The following PRKG1 variants were observed in gnomAD, a reference collection of about 807,000 sequenced individuals.
PRKG1 encodes protein kinase cGMP-dependent 1.
In PRKG1, 35 loss-of-function variants were observed where a neutral mutation model predicts 88.1. That is an observed-to-expected ratio of 0.40 (90% CI 0.30 to 0.53). The LOEUF is 0.53. Ranked by LOEUF, PRKG1 falls within the 20% of genes least tolerant of loss-of-function variation. The probability of loss-of-function intolerance (pLI) is 0.59; values close to 1 mark genes in which losing one functional copy is unlikely to be tolerated. For missense variants in PRKG1, 540 were observed against 839.8 expected (o/e 0.64, Z 4.41); for synonymous variants, 303 against 292.5 (o/e 1.04, Z -0.37).
chr10:52,025,173 G>T (rs1845303054), intron 5 of PRKG1, among the ~76,000 whole-genome samples: 1 of 152,028 alleles, frequency 6.6e-6, no homozygotes, highest in South Asian at 2.1e-4. Context: ...TTTTTGATGG[G>T]GTTGTTTTTT....
chr10:51,251,256 C>A (rs1839420825), intron 2 of PRKG1, among the ~76,000 whole-genome samples: 1 of 151,746 alleles, frequency 6.6e-6, no homozygotes, highest in South Asian at 2.1e-4. Flanking sequence ...AGGACATCTG[C>A]AAGTTGCGTC....
At chr10:51,978,166 T>G (rs1019852246) in intron 5 of PRKG1, among the ~76,000 whole-genome samples, 1 of 151,934 alleles carries the variant, frequency 6.6e-6, no homozygotes, top group African/African-American at 2.4e-5. Context: ...CTGCTGTGAC[T>G]AGCTAGTTAT....
At chr10:52,244,723 A>C (rs1840961782) in intron 9 of PRKG1, among the ~76,000 whole-genome samples, 1 of 122,594 alleles carries the variant, frequency 8.2e-6, no homozygotes, top group African/African-American at 3.7e-5. Context: ...ATACTTTAAA[A>C]ATATATACTT....
intron 5 of PRKG1, among the ~76,000 whole-genome samples, chr10:51,924,142 A>T (rs1842522489): frequency 6.6e-6 from 1 of 151,868 alleles, no homozygotes; most frequent in Admixed American, 6.6e-5. Flanking sequence ...CTTTATTTTT[A>T]TTTTTTGTAT....
At chr10:51,778,318 G>A (rs10823576) in intron 3 of PRKG1, among the ~76,000 whole-genome samples, 20,420 of 152,090 alleles carry the variant, frequency 0.13, 1,485 homozygotes, top group Admixed American at 0.19. Context: ...TTCTCAGGTC[G>A]TTGTGATCTC....
chr10:51,671,572 TTC>T (rs775680768), intron 3 of PRKG1, among the ~76,000 whole-genome samples: 17 of 150,966 alleles, frequency 1.1e-4, no homozygotes, highest in South Asian at 4.2e-4. Flanking sequence ...GTGCCTCTTC[TTC>T]TCTCTCTCTC....
chr10:51,735,273 GT>G (rs1202894489), intron 3 of PRKG1, among the ~76,000 whole-genome samples: 6 of 152,078 alleles, frequency 3.9e-5, no homozygotes, highest in Admixed American at 6.6e-5. Context: ...GCAGAGTTCA[GT>G]TTCTAAGTCC....
At chr10:51,750,890 C>CA (rs5784886) in intron 3 of PRKG1, among the ~76,000 whole-genome samples, 67,368 of 148,766 alleles carry the variant, frequency 0.45, 15,559 homozygotes, top group Middle Eastern at 0.61. Context: ...ATTTCATAAG[C>CA]AAAAAAAAAA....
chr10:51,450,814 G>A (rs1333088804), intron 2 of PRKG1, among the ~76,000 whole-genome samples: 1 of 150,962 alleles, frequency 6.6e-6, no homozygotes, highest in Non-Finnish European at 1.5e-5. Flanking sequence ...GAACTTGAAT[G>A]AGTGGAGAGA....
At chr10:51,015,102 G>C (rs1385220709) in intron 1 of PRKG1, among the ~76,000 whole-genome samples, 1 of 152,144 alleles carries the variant, frequency 6.6e-6, no homozygotes, top group Non-Finnish European at 1.5e-5. Context: ...CTATGGAATG[G>C]CCTTCTGGCT....
At chr10:52,106,715 A>AATG (rs1847432903) in intron 7 of PRKG1, among the ~76,000 whole-genome samples, 1 of 104,624 alleles carries the variant, frequency 9.6e-6, no homozygotes, top group South Asian at 4.2e-4. Flanking sequence ...AAATAATAAT[A>AATG]ATAATAATAA....
chr10:51,268,251 G>A (rs548366694), intron 2 of PRKG1, among the ~76,000 whole-genome samples: 1 of 152,242 alleles, frequency 6.6e-6, no homozygotes, highest in African/African-American at 2.4e-5. Flanking sequence ...TGCTAATGAA[G>A]TTTGGGGCAC....
intron 2 of PRKG1, among the ~76,000 whole-genome samples, chr10:51,287,378 T>C (rs1840469539): frequency 6.6e-6 from 1 of 152,162 alleles, no homozygotes; most frequent in Admixed American, 6.5e-5. Flanking sequence ...AGAAGATACC[T>C]GTGTGTAGTA....
At chr10:51,628,932 G>A (rs1364438749) in intron 3 of PRKG1, among the ~76,000 whole-genome samples, 1 of 149,890 alleles carries the variant, frequency 6.7e-6, no homozygotes, top group Non-Finnish European at 1.5e-5. Flanking sequence ...GCAGTCCGCA[G>A]TCCGGCCTGG....
At position 51,233,708 on chromosome 10, in the gene PRKG1, G is replaced by T. The variant is rs1192731548; in HGVS notation, c.478+80378G>T. ...ATGCATGTGAGAGAGATCCTTAATA[G>T]GTGATTGAGATAAATTAGGGAAATT... is the stretch of plus-strand genomic sequence containing the variant. On this transcript the variant is annotated intron_variant, in intron 2 of 17. Transcript: ENST00000373980. Among the ~76,000 whole-genome samples, 6 of 152,306 alleles carry T rather than the reference G, an allele frequency of 3.9e-5. No individual in the cohort carries two copies. In the East Asian group the frequency reaches 9.6e-4, roughly 24 times the overall value.
rs1589734284 is a variant in PRKG1 at position 52,250,309 on chromosome 10, C to T, written c.1077-1261C>T. Among the ~76,000 whole-genome samples the T allele has an allele frequency of 4.6e-5, 7 of 152,016 alleles. No individual in the cohort carries two copies. In the South Asian group the frequency reaches 1.5e-3, roughly 31 times the overall value. On this transcript the variant is annotated intron_variant, in intron 9 of 17. Transcript: ENST00000373980. ...TAATGGAAAACAATGTTGTTTTTAC[C>T]GTCTGAGAAGCCTGTCAACAATTGA...
chr10:52,023,419 G>A (rs1845241101), intron 5 of PRKG1, among the ~76,000 whole-genome samples: 1 of 152,126 alleles, frequency 6.6e-6, no homozygotes, highest in Non-Finnish European at 1.5e-5. Flanking sequence ...ATAATCCTTT[G>A]GGTGTATACC....
rs192920419 is a variant in PRKG1 at position 51,679,805 on chromosome 10, G to C, written c.593-124780G>C. Among the ~76,000 whole-genome samples the C allele has an allele frequency of 2.8e-5, 4 of 141,428 alleles. No individual in the cohort carries two copies. In the East Asian group the frequency reaches 6.1e-4, roughly 21 times the overall value. The allele number at this position is 141,428 out of a possible 152,430, so 92.8% of individuals were successfully genotyped here. A position where few individuals can be genotyped will look rare whatever the true frequency, so the allele number is the denominator to read the frequency against. ...AGTTACATATGTATTCATGTGCCAT[G>C]CTGATGCGCTGCACCCACTAACGTG... On this transcript the variant is annotated intron_variant, in intron 3 of 17. Transcript: ENST00000373980.
intron 3 of PRKG1, among the ~76,000 whole-genome samples, chr10:51,746,725 AAAAAAT>A (rs1053277586): frequency 2.6e-5 from 4 of 152,038 alleles, no homozygotes; most frequent in East Asian, 1.9e-4. Context: ...CCTGTCTCAA[AAAAAAT>A]AAAAAGAAAA....
Sources: gnomAD v4.1 joint callset for allele counts (sites outside exome capture counted in the v4.1 genomes callset) on GRCh38, gnomAD v4.1.1 for gene constraint, MANE v1.5 for transcripts, NCBI Gene and HGNC (gene_info 2026-07-23, HGNC 2026-07-21) for gene names.